Variants in SORBS2 observed in about 807,000 individuals in gnomAD.
SORBS2 encodes the protein sorbin and SH3 domain containing 2, also known as sorbin and SH3 domain-containing protein 2.
SORBS2 carries 46 observed loss-of-function variants against 97.7 expected under a neutral mutation model. The ratio of observed to expected loss-of-function variants is 0.47; its 90% CI spans 0.37 to 0.60. SORBS2 has a LOEUF of 0.60. Ranked by LOEUF, SORBS2 falls within the 20% of genes least tolerant of loss-of-function variation. The pLI is 0.00. For synonymous variants in SORBS2, 476 were observed against 473.4 expected, an observed-to-expected ratio of 1.01 and a Z score of -0.07; for missense variants, 1,316 against 1,282.3, an observed-to-expected ratio of 1.03 and a Z score of -0.40.
At chr4:185,939,531 A>T (rs773823202) in intron 1 of SORBS2, among the ~76,000 whole-genome samples, 1 of 151,220 alleles carries the variant, frequency 6.6e-6, no homozygotes, top group Non-Finnish European at 1.5e-5. Flanking sequence ...TTTTTTTGAG[A>T]TGGAGTTGCA....
intron 2 of SORBS2, among the ~76,000 whole-genome samples, chr4:185,705,863 T>C (rs1010613270): frequency 9.2e-5 from 14 of 152,138 alleles, no homozygotes; most frequent in African/African-American, 3.4e-4. Flanking sequence ...TTCTTCTGAG[T>C]TGCTATTGGA....
chr4:185,944,179 T>C (rs556412704), intron 1 of SORBS2, among the ~76,000 whole-genome samples: 7 of 152,142 alleles, frequency 4.6e-5, no homozygotes, highest in Non-Finnish European at 1.0e-4. Context: ...GCCAAACGCT[T>C]ATATAGCCAA....
intron 1 of SORBS2, among the ~76,000 whole-genome samples, chr4:185,845,089 T>G (rs1375111079): frequency 1.3e-5 from 2 of 151,632 alleles, no homozygotes; most frequent in Admixed American, 1.3e-4. Flanking sequence ...CATGACTCAC[T>G]GCAGCCTCAT....
intron 1 of SORBS2, among the ~76,000 whole-genome samples, chr4:185,850,136 G>A (rs2099216972): frequency 6.6e-6 from 1 of 152,212 alleles, no homozygotes; most frequent in Non-Finnish European, 1.5e-5. Context: ...CTGGTTTGAA[G>A]ATGCCTATGA....
exon 5 of SORBS2, chr4:185,662,228 C>A: frequency 6.2e-7 from 1 of 1,609,758 alleles, no homozygotes; most frequent in Non-Finnish European, 8.5e-7. Flanking sequence ...AGTTTCCATT[C>A]ACTGTTATCT....
chr4:185,643,871 C>G (rs2097167620), intron 4 of SORBS2, among the ~76,000 whole-genome samples: 1 of 152,198 alleles, frequency 6.6e-6, no homozygotes, highest in Non-Finnish European at 1.5e-5. Context: ...TCAGCGCTGG[C>G]CATCGCTGCG....
chr4:185,851,636 T>C (rs1260583021), intron 1 of SORBS2, among the ~76,000 whole-genome samples: 2 of 152,144 alleles, frequency 1.3e-5, no homozygotes, highest in Non-Finnish European at 2.9e-5. Context: ...AGATTAACAT[T>C]TGAGTCAGTG....
chr4:185,646,436 T>A (rs1473584129), intron 4 of SORBS2: 2 of 318,834 alleles, frequency 6.3e-6, no homozygotes, highest in East Asian at 4.4e-5. Flanking sequence ...TATATATAAA[T>A]ACACACACAT....
At chr4:185,820,896 C>A (rs1585247234) in intron 1 of SORBS2, among the ~76,000 whole-genome samples, 1 of 152,144 alleles carries the variant, frequency 6.6e-6, no homozygotes, top group Admixed American at 6.5e-5. Context: ...ACAGAAATGC[C>A]GAATGAACAA....
chr4:185,839,222 C>T (rs953018602), intron 1 of SORBS2, among the ~76,000 whole-genome samples: 1 of 152,218 alleles, frequency 6.6e-6, no homozygotes, highest in African/African-American at 2.4e-5. Flanking sequence ...ATGGCAAACA[C>T]TCGGGGTAAC....
intron 2 of SORBS2, among the ~76,000 whole-genome samples, chr4:185,712,077 A>C (rs2098425173): frequency 6.6e-6 from 1 of 152,292 alleles, no homozygotes; most frequent in East Asian, 1.9e-4. Flanking sequence ...TTCCCCAGCA[A>C]AACCCCACCC....
rs182067488 is a variant in SORBS2, at chr4:185,714,685, T to C, written c.-197-35863A>G. ...AGAAGGCAAAGGAGGAGCAAAGTCA[T>C]GTCTTCCATGGTGGCAGACAAGAGA... On this transcript the variant is annotated intron_variant, in intron 2 of 20. Coordinates refer to the SORBS2 transcript ENST00000284776. Among the ~76,000 whole-genome samples, 1,012 of 152,314 alleles carry C rather than the reference T, an allele frequency of 6.6e-3. 13 individuals are homozygous for C. The highest frequency in any genetic ancestry group is 0.023 in the African/African-American group (960 of 41,556).
rs1322828687 is a variant in SORBS2 at position 185,623,950 on chromosome 4, C to G, written c.1179G>C (p.Leu393=). Residue 393 remains leucine, a synonymous_variant, in exon 7 of 15, where the codon CTG becomes CTC. Transcript: ENST00000418609. This position sits in a 1 kb window ranked among gnomAD's most constrained non-coding sequence, Gnocchi z 6.4. ...TGGAGCACTGGCTCCAGGCGCGCAG[C>G]AGGTCCTTGTGCTGCTGCTCGCTCT... 7 of 1,614,100 alleles carry G rather than the reference C, an allele frequency of 4.3e-6. No individual in the cohort carries two copies. The highest frequency in any genetic ancestry group is 5.1e-6 in the Non-Finnish European group (6 of 1,180,050).
At chr4:185,950,193 A>C (rs2099276529) in intron 1 of SORBS2, among the ~76,000 whole-genome samples, 1 of 151,962 alleles carries the variant, frequency 6.6e-6, no homozygotes, top group Non-Finnish European at 1.5e-5. Flanking sequence ...CGGAGGTTGC[A>C]GCGAGCCGAG....
intron 4 of SORBS2, among the ~76,000 whole-genome samples, chr4:185,672,984 C>T (rs13135779): frequency 0.8 from 121,674 of 152,130 alleles, 48,881 homozygotes; most frequent in East Asian, 0.92. Flanking sequence ...CATTGATGGA[C>T]AAATAGATAA....
At chr4:185,911,493 G>A (rs1165552036) in intron 1 of SORBS2, among the ~76,000 whole-genome samples, 1 of 152,048 alleles carries the variant, frequency 6.6e-6, no homozygotes, top group African/African-American at 2.4e-5. Flanking sequence ...TCAAAGTCCT[G>A]GGATTATAAG....
At chr4:185,842,500 C>A (rs2099212151) in intron 1 of SORBS2, among the ~76,000 whole-genome samples, 1 of 152,092 alleles carries the variant, frequency 6.6e-6, no homozygotes, top group African/African-American at 2.4e-5. Flanking sequence ...AGACTGGACA[C>A]CCCATGAAAG....
At chr4:185,827,232 C>T (rs1460937345) in intron 1 of SORBS2, among the ~76,000 whole-genome samples, 14 of 132,704 alleles carry the variant, frequency 1.1e-4, no homozygotes, top group Admixed American at 2.3e-4. Context: ...CCATCATCAT[C>T]ATCACCATCA....
At chr4:185,591,678 T>G (rs2095940180) in intron 13 of SORBS2, among the ~76,000 whole-genome samples, 1 of 152,176 alleles carries the variant, frequency 6.6e-6, no homozygotes, top group Non-Finnish European at 1.5e-5. Flanking sequence ...TTTCTCACTT[T>G]GGGAAAACTG....
Sources: gnomAD v4.1 joint callset for allele counts (sites outside exome capture counted in the v4.1 genomes callset) on GRCh38, gnomAD v4.1.1 for gene constraint, Gnocchi (gnomAD v3.1) non-coding constraint, MANE v1.5 for transcripts, NCBI Gene and HGNC (gene_info 2026-07-23, HGNC 2026-07-21) for gene names.